Variants in NR2C1 observed in about 807,000 individuals in gnomAD.
The protein encoded by NR2C1 is TR2 nuclear hormone receptor.
In NR2C1, 33 loss-of-function variants were observed where a neutral mutation model predicts 74.8. The observed-to-expected ratio is 0.44, with a 90% CI of 0.33 to 0.59. The LOEUF is 0.59. NR2C1 is among the 20% of genes least tolerant of loss of function. The pLI is 0.02. For synonymous variants in NR2C1, 225 were observed against 240.6 expected, an observed-to-expected ratio of 0.94 and a Z score of 0.60; for missense variants, 568 against 715.6, an observed-to-expected ratio of 0.79 and a Z score of 2.35.
chr12:95,061,716 C>T (rs249146), intron 3 of NR2C1, among the ~76,000 whole-genome samples: 19,901 of 151,980 alleles, frequency 0.13, 1,546 homozygotes, highest in Non-Finnish European at 0.18. Flanking sequence ...AAGATAGAAC[C>T]CAATTTTAAG....
At chr12:95,023,983 C>T (rs999819647) in intron 13 of NR2C1, among the ~76,000 whole-genome samples, 2 of 152,076 alleles carry the variant, frequency 1.3e-5, no homozygotes, top group Admixed American at 6.6e-5. Flanking sequence ...AGACCAGCAG[C>T]CCCCAGGATT....
intron 13 of NR2C1, among the ~76,000 whole-genome samples, chr12:95,023,629 G>A (rs1369590758): frequency 6.6e-6 from 1 of 152,186 alleles, no homozygotes; most frequent in East Asian, 1.9e-4. Context: ...TCACAGTGCT[G>A]TTGTGAGGAT....
intron 7 of NR2C1, among the ~76,000 whole-genome samples, chr12:95,054,264 A>G (rs961141861): frequency 1.3e-5 from 2 of 151,700 alleles, no homozygotes; most frequent in African/African-American, 4.9e-5. Flanking sequence ...TGACCCAAAT[A>G]GTAGAGGTGG....
At position 95,070,841 on chromosome 12, in the gene NR2C1, C is replaced by T. The variant is rs141037062; in HGVS notation, c.-8+2539G>A. On this transcript the variant is annotated intron_variant, in intron 1 of 13. Coordinates refer to ENST00000333003, the MANE Select transcript of NR2C1 (RefSeq NM_003297.4). ...AGGGGCCTCTGTTCAGGTCAAACTA[C>T]GATGTTCTTTATTCCCCCAACATAT... 9.8e-5 allele frequency among the ~76,000 whole-genome samples: 15 copies of T among 152,314 alleles called. No homozygotes were observed. The East Asian group carries it at 2.3e-3, about 23-fold the overall frequency.
At chr12:95,051,249 T>C (rs1054130235) in intron 8 of NR2C1, among the ~76,000 whole-genome samples, 8 of 152,166 alleles carry the variant, frequency 5.3e-5, no homozygotes, top group South Asian at 2.1e-4. Context: ...TCATGATGGG[T>C]TGCAGTCAAA....
chr12:95,069,005 C>T (rs1394258312), intron 1 of NR2C1, among the ~76,000 whole-genome samples: 3 of 151,652 alleles, frequency 2.0e-5, no homozygotes, highest in Non-Finnish European at 4.4e-5. Flanking sequence ...CTTAAAAGGA[C>T]ACATAAGAAA....
At chr12:95,024,395 G>C (rs1445925954) in intron 13 of NR2C1, among the ~76,000 whole-genome samples, 1 of 152,156 alleles carries the variant, frequency 6.6e-6, no homozygotes, top group Non-Finnish European at 1.5e-5. Flanking sequence ...AAGCTAGCAA[G>C]TGCAGGAGTC....
intron 1 of NR2C1, among the ~76,000 whole-genome samples, chr12:95,072,431 G>A (rs1375195457): frequency 1.5e-5 from 2 of 129,946 alleles, no homozygotes; most frequent in African/African-American, 3.1e-5. Flanking sequence ...CCAGCTTGGC[G>A]ACAGTGAGAC....
chr12:95,052,475 G>A (rs61938161), intron 7 of NR2C1, among the ~76,000 whole-genome samples: 2 of 151,762 alleles, frequency 1.3e-5, no homozygotes, highest in African/African-American at 4.8e-5. Flanking sequence ...TTTTTTTTAA[G>A]AGACAAGGTC....
chr12:95,033,972 T>G (rs763241240), intron 10 of NR2C1, among the ~76,000 whole-genome samples: 10 of 152,230 alleles, frequency 6.6e-5, no homozygotes, highest in African/African-American at 2.2e-4. Context: ...TCTGGAGAGA[T>G]ATAAGTTGGT....
intron 11 of NR2C1, 41 bp from the exon 12 acceptor site, chr12:95,028,565 A>C: frequency 1.5e-6 from 2 of 1,305,720 alleles, no homozygotes; most frequent in Non-Finnish European, 2.2e-6. Context: ...TGTTTGTCTA[A>C]AATGAACAAC....
intron 7 of NR2C1, among the ~76,000 whole-genome samples, chr12:95,052,408 C>T (rs536036368): frequency 6.6e-6 from 1 of 152,326 alleles, no homozygotes; most frequent in African/African-American, 2.4e-5. Flanking sequence ...CCTGCCTCGG[C>T]CTCCCAAAGT....
chr12:95,071,037 G>C (rs1334306401), intron 1 of NR2C1, among the ~76,000 whole-genome samples: 3 of 152,010 alleles, frequency 2.0e-5, no homozygotes, highest in African/African-American at 7.2e-5. Flanking sequence ...CCATCTCTAC[G>C]AAAAATACAA....
chr12:95,035,199 A>T (rs1329801199), intron 10 of NR2C1, among the ~76,000 whole-genome samples: 2 of 152,236 alleles, frequency 1.3e-5, no homozygotes, highest in South Asian at 2.1e-4. Flanking sequence ...ATGTGTATGT[A>T]TTTAATTGTC....
chr12:95,059,612 G>A (rs755600432), intron 4 of NR2C1, among the ~76,000 whole-genome samples: 3 of 152,102 alleles, frequency 2.0e-5, no homozygotes, highest in African/African-American at 4.8e-5. Context: ...TTGGGAGGCC[G>A]AGGCAGGAGA....
At chr12:95,059,862 GTTAT>G in intron 4 of NR2C1, 40 bp downstream of exon 4, 1 of 1,375,884 alleles carries the variant, frequency 7.3e-7, no homozygotes, top group Non-Finnish European at 1.0e-6. Flanking sequence ...CATATAGGAG[GTTAT>G]TTTTTTTTTC....
At chr12:95,035,387 C>T (rs1319785342) in intron 10 of NR2C1, among the ~76,000 whole-genome samples, 8 of 151,948 alleles carry the variant, frequency 5.3e-5, no homozygotes, top group Admixed American at 5.3e-4. Context: ...TCACTTTTAA[C>T]CTCTGATTCT....
At chr12:95,042,680 C>G (rs1274328383) in intron 9 of NR2C1, among the ~76,000 whole-genome samples, 1 of 151,896 alleles carries the variant, frequency 6.6e-6, no homozygotes, top group African/African-American at 2.4e-5. Context: ...ATAAATTGTA[C>G]CAAGTAATAA....
chr12:95,055,811 G>A (rs1428883361), intron 7 of NR2C1, among the ~76,000 whole-genome samples: 1 of 151,874 alleles, frequency 6.6e-6, no homozygotes, highest in Non-Finnish European at 1.5e-5. Context: ...AAATTAGCCG[G>A]GCGTGGTGGC....
Sources: allele counts gnomAD v4.1 joint callset (sites outside exome capture counted in the v4.1 genomes callset), GRCh38; gene constraint gnomAD v4.1.1; transcripts MANE v1.5; gene names NCBI Gene and HGNC (gene_info 2026-07-23, HGNC 2026-07-21).